Variants in MTOR observed in about 807,000 individuals in gnomAD.
The protein encoded by MTOR is serine/threonine-protein kinase mTOR.
MTOR carries 70 observed loss-of-function variants against 319.8 expected under a neutral mutation model. The ratio of observed to expected loss-of-function variants is 0.22; its 90% CI spans 0.18 to 0.27. The LOEUF (loss-of-function observed/expected upper bound fraction) is 0.27, where lower values mean the gene tolerates loss of function less well. MTOR is among the 10% of genes least tolerant of loss of function. The probability of loss-of-function intolerance (pLI) is 1.00; values close to 1 mark genes in which losing one functional copy is unlikely to be tolerated. For missense variants in MTOR, 1,890 were observed against 3,274.4 expected, an observed-to-expected ratio of 0.58 and a Z score of 10.32; for synonymous variants, 1,183 against 1,211.4, an observed-to-expected ratio of 0.98 and a Z score of 0.49.
At chr1:11,229,062 C>T in intron 18 of MTOR, 144 bp from the exon 19 acceptor site, 1 of 1,097,194 alleles carries the variant, frequency 9.1e-7, no homozygotes, top group Non-Finnish European at 1.3e-6. Flanking sequence ...GTTGGGAGTT[C>T]AAGGTCTATT....
intron 28 of MTOR, among the ~76,000 whole-genome samples, chr1:11,169,683 G>T (rs1285311343): frequency 6.6e-6 from 1 of 152,144 alleles, no homozygotes; most frequent in Admixed American, 6.5e-5. Context: ...TAAATAAGTC[G>T]TTTCAAAAAT....
At chr1:11,151,629 G>A (rs1389296084) in intron 30 of MTOR, among the ~76,000 whole-genome samples, 1 of 152,196 alleles carries the variant, frequency 6.6e-6, no homozygotes, top group African/African-American at 2.4e-5. Flanking sequence ...TCTATGTGAC[G>A]CCAAAACTGC....
intron 15 of MTOR, 137 bp downstream of exon 15, chr1:11,233,261 G>T: frequency 1.2e-6 from 1 of 830,344 alleles, no homozygotes; most frequent in South Asian, 1.6e-5. Context: ...AATCTGTTAT[G>T]AATGCATTGT....
intron 47 of MTOR, among the ~76,000 whole-genome samples, chr1:11,122,364 C>CA (rs1642579740): frequency 2.6e-5 from 4 of 151,544 alleles, no homozygotes; most frequent in Non-Finnish European, 5.9e-5. Context: ...CCACCATGCC[C>CA]AACTAATCTT....
intron 6 of MTOR, among the ~76,000 whole-genome samples, chr1:11,248,968 G>A (rs1385489523): frequency 6.6e-6 from 1 of 152,074 alleles, no homozygotes; most frequent in Non-Finnish European, 1.5e-5. Context: ...GCTCACGCCT[G>A]TAATCCCAGC....
chr1:11,218,764 CAT>C (rs1411004127), intron 19 of MTOR, among the ~76,000 whole-genome samples: 1 of 152,168 alleles, frequency 6.6e-6, no homozygotes, highest in Non-Finnish European at 1.5e-5. Flanking sequence ...TAGCCTTTCA[CAT>C]GTGTTCTCTT....
chr1:11,108,104 T>G, intron 57 of MTOR, 77 bp downstream of exon 57: 1 of 1,170,712 alleles, frequency 8.5e-7, no homozygotes, highest in Non-Finnish European at 1.3e-6. Context: ...AATCTCTTTT[T>G]GCTACTCTGG....
intron 8 of MTOR, among the ~76,000 whole-genome samples, chr1:11,244,509 T>C (rs1192679664): frequency 1.3e-5 from 2 of 151,422 alleles, no homozygotes; most frequent in Non-Finnish European, 2.9e-5. Context: ...AGTGCGCCTG[T>C]AATCCCAGCT....
chr1:11,227,593 A>G (rs1310816694), intron 19 of MTOR, among the ~76,000 whole-genome samples: 1 of 151,942 alleles, frequency 6.6e-6, no homozygotes, highest in Non-Finnish European at 1.5e-5. Context: ...TGTGGTTGGT[A>G]GTAGTAGGGA....
chr1:11,154,881 C>A (rs183686068), intron 30 of MTOR, among the ~76,000 whole-genome samples: 1 of 151,878 alleles, frequency 6.6e-6, no homozygotes, highest in Non-Finnish European at 1.5e-5. Flanking sequence ...CACAGTGGCT[C>A]ACACCTGTAA....
At chr1:11,113,165 G>A (rs1641984549) in intron 53 of MTOR, among the ~76,000 whole-genome samples, 1 of 152,202 alleles carries the variant, frequency 6.6e-6, no homozygotes, top group African/African-American at 2.4e-5. Flanking sequence ...GTCAAAGTAT[G>A]ATTTAATTTC....
At chr1:11,175,699 G>A (rs1287256382) in intron 28 of MTOR, among the ~76,000 whole-genome samples, 7 of 150,962 alleles carry the variant, frequency 4.6e-5, no homozygotes, top group African/African-American at 9.7e-5. Context: ...GGGCAGTGGC[G>A]CCTGCTGCCT....
In MTOR at chr1:11,199,527, G is replaced by C. The variant is rs2100745481; in HGVS notation, c.4107+14C>G. The C allele has an allele frequency of 6.2e-7, 1 of 1,614,146 alleles. No individual in the cohort carries two copies. Among genetic ancestry groups the C allele is most frequent in the Non-Finnish European group, 8.5e-7 (1 of 1,180,006 alleles). On this transcript the variant is annotated intron_variant, in intron 27 of 57. Coordinates refer to ENST00000361445, the MANE Select transcript of MTOR (RefSeq NM_004958.4). This position sits in a 1 kb window ranked among gnomAD's most constrained non-coding sequence, Gnocchi z 4.5. ...CCTGTCAGCCTCCATCTGGACAATGGGGAAAAGTCTCACCTTGTCACTGTG... is the reference window on the plus strand; with the variant it reads ...CCTGTCAGCCTCCATCTGGACAATGCGGAAAAGTCTCACCTTGTCACTGTG...
At chr1:11,231,155 A>T in intron 17 of MTOR, 101 bp from the exon 18 acceptor site, 1 of 1,593,450 alleles carries the variant, frequency 6.3e-7, no homozygotes, top group Non-Finnish European at 8.6e-7. Flanking sequence ...CCCAGTTCAT[A>T]TCCAAATGAC....
chr1:11,195,171 C>CA, intron 28 of MTOR: 1 of 882,702 alleles, frequency 1.1e-6, no homozygotes, highest in Non-Finnish European at 1.7e-6. Flanking sequence ...CCAAGGAGCA[C>CA]AAAAAAATCA....
chr1:11,149,047 T>A (rs542819842), intron 31 of MTOR, among the ~76,000 whole-genome samples: 1 of 152,180 alleles, frequency 6.6e-6, no homozygotes, highest in Admixed American at 6.5e-5. Flanking sequence ...ATTACAGGTG[T>A]GAGTCACCAC....
Position 11,139,670 on chromosome 1 carries a change from A to G in MTOR, c.4873-12T>C, listed in dbSNP as rs1300781048. ...ATACGCTGGCAGCCCTGGAACATTC[A>G]GAAGTGAAGATTAGATATGTCTTCT... is the stretch of plus-strand genomic sequence containing the variant. On this transcript the variant is annotated splice_polypyrimidine_tract_variant and intron_variant, in intron 34 of 57. Coordinates refer to ENST00000361445, the MANE Select transcript of MTOR (RefSeq NM_004958.4). The G allele has an allele frequency of 1.2e-6, 2 of 1,614,026 alleles. No individual in the cohort carries two copies. The highest frequency in any genetic ancestry group is 1.7e-6 in the Non-Finnish European group (2 of 1,180,014).
chr1:11,209,367 G>C lies in MTOR; in HGVS notation c.3746C>G (p.Pro1249Arg). Residue 1249 changes from proline (P) to arginine (R), a missense_variant, in exon 25 of 58, where the codon CCA becomes CGA. By Grantham distance (103) the Pro-to-Arg change is moderately radical. Transcript: ENST00000361445. Reference sequence around the variant, plus strand: ...TTTCTTCATGGGTCCTGTTTCCACTGGTCCACTAGCCAATGCATCCCCTTG... The same window carrying C: ...TTTCTTCATGGGTCCTGTTTCCACTCGTCCACTAGCCAATGCATCCCCTTG... ...SGQGDALASG[P>R]VETGPMKKLH... 6.2e-7 allele frequency: 1 copy of C among 1,614,176 alleles called. No homozygotes were observed. The highest frequency in any genetic ancestry group is 8.5e-7 in the Non-Finnish European group (1 of 1,180,024).
At chr1:11,236,509 G>GTTTT (rs1182732565) in intron 13 of MTOR, among the ~76,000 whole-genome samples, 1 of 124,008 alleles carries the variant, frequency 8.1e-6, no homozygotes, top group Non-Finnish European at 1.7e-5. Flanking sequence ...GTGATTTCAC[G>GTTTT]TTTTTTTTTT....
Sources: allele counts gnomAD v4.1 joint callset (sites outside exome capture counted in the v4.1 genomes callset), GRCh38; gene constraint gnomAD v4.1.1; non-coding constraint Gnocchi (gnomAD v3.1); transcripts MANE v1.5; gene names NCBI Gene and HGNC (gene_info 2026-07-23, HGNC 2026-07-21).